Variants in CDH10 observed in about 807,000 individuals in gnomAD.
CDH10 encodes cadherin 10.
In CDH10, 30 loss-of-function variants were observed where a neutral mutation model predicts 73.1. That is an observed-to-expected ratio of 0.41 (90% CI 0.31 to 0.56). The LOEUF (loss-of-function observed/expected upper bound fraction) is 0.56. CDH10 is among the 20% of genes least tolerant of loss of function. The pLI is 0.27. For synonymous variants in CDH10, 345 were observed against 348.2 expected (o/e 0.99, Z 0.10); for missense variants, 815 against 973.7 (o/e 0.84, Z 2.17).
At chr5:24,567,942 T>G (rs1021945280) in intron 2 of CDH10, among the ~76,000 whole-genome samples, 4 of 152,122 alleles carry the variant, frequency 2.6e-5, no homozygotes, top group Non-Finnish European at 5.9e-5. Flanking sequence ...TACACTTCAA[T>G]GATGTCTCAA....
intron 5 of CDH10, among the ~76,000 whole-genome samples, chr5:24,528,168 A>G (rs867643812): frequency 1.7e-4 from 26 of 151,886 alleles, no homozygotes; most frequent in Admixed American, 3.9e-4. Context: ...ATCACACTGT[A>G]TCTAATGAAC....
Position 24,508,455 on chromosome 5 carries a change from AAC to A in CDH10, c.1256+1109_1256+1110del, listed in dbSNP as rs1579734146. ...AATAAACATAAAACAGAAACCTCTC[AAC>A]TTTGATGGCTGTGCATTAGGGGAGT... On this transcript the variant is annotated intron_variant, in intron 7 of 11. Transcript: ENST00000264463. Among the ~76,000 whole-genome samples, 3 of 127,416 alleles carry A rather than the reference AAC, an allele frequency of 2.4e-5. 1 individual carries two copies. The allele number at this position is 127,416 out of a possible 152,430, so 83.6% of individuals were successfully genotyped here. A position where few individuals can be genotyped will look rare whatever the true frequency, so the allele number is the denominator to read the frequency against.
intron 5 of CDH10, among the ~76,000 whole-genome samples, chr5:24,518,738 C>A (rs530450915): frequency 4.9e-4 from 75 of 151,858 alleles, no homozygotes; most frequent in Non-Finnish European, 9.4e-4. Flanking sequence ...TGCTTGCACT[C>A]AAAAATATTA....
At chr5:24,599,881 A>G (rs1300685153) in intron 1 of CDH10, among the ~76,000 whole-genome samples, 1 of 152,140 alleles carries the variant, frequency 6.6e-6, no homozygotes, top group Non-Finnish European at 1.5e-5. Flanking sequence ...GCACAATACT[A>G]AAAACCCACT....
intron 1 of CDH10, among the ~76,000 whole-genome samples, chr5:24,598,173 T>A (rs948168200): frequency 6.6e-6 from 1 of 152,010 alleles, no homozygotes; most frequent in Non-Finnish European, 1.5e-5. Context: ...GCTGATACCA[T>A]TTTATGCATC....
intron 2 of CDH10, 30 bp from the exon 3 acceptor site, chr5:24,537,704 G>T (rs767165395): frequency 1.4e-6 from 2 of 1,411,088 alleles, no homozygotes; most frequent in Non-Finnish European, 2.0e-6. Flanking sequence ...GTATATCCAT[G>T]ATCATGTATA....
intron 1 of CDH10, among the ~76,000 whole-genome samples, chr5:24,607,225 C>T (rs1292897003): frequency 6.6e-6 from 1 of 151,974 alleles, no homozygotes; most frequent in East Asian, 1.9e-4. Flanking sequence ...ATGTTGATGC[C>T]GACGCCTGCA....
intron 2 of CDH10, among the ~76,000 whole-genome samples, chr5:24,560,835 A>C (rs1744934329): frequency 6.6e-6 from 1 of 152,106 alleles, no homozygotes; most frequent in Admixed American, 6.6e-5. Flanking sequence ...AAATAAAATA[A>C]AGTTGTTACT....
chr5:24,644,193 A>G (rs574239518), intron 1 of CDH10, among the ~76,000 whole-genome samples: 24 of 152,318 alleles, frequency 1.6e-4, no homozygotes, highest in African/African-American at 5.3e-4. Flanking sequence ...AAGTAATGTT[A>G]GATGATGTTA....
intron 3 of CDH10, among the ~76,000 whole-genome samples, chr5:24,536,672 C>T (rs1319070504): frequency 6.6e-6 from 1 of 151,912 alleles, no homozygotes; most frequent in Non-Finnish European, 1.5e-5. Flanking sequence ...AGATACATCT[C>T]CCATTTATGT....
intron 1 of CDH10, among the ~76,000 whole-genome samples, chr5:24,594,289 C>T (rs980836519): frequency 6.6e-6 from 1 of 151,898 alleles, no homozygotes; most frequent in Non-Finnish European, 1.5e-5. Flanking sequence ...CTTCTAACTA[C>T]CTCTACTGCC....
intron 2 of CDH10, among the ~76,000 whole-genome samples, chr5:24,587,623 T>C (rs537062204): frequency 6.6e-6 from 1 of 152,294 alleles, no homozygotes; most frequent in African/African-American, 2.4e-5. Flanking sequence ...AAGATTTCTC[T>C]TGAGCTTTTA....
chr5:24,605,440 T>G (rs1006175252), intron 1 of CDH10, among the ~76,000 whole-genome samples: 12 of 152,208 alleles, frequency 7.9e-5, no homozygotes, highest in African/African-American at 2.9e-4. Flanking sequence ...ACACTCCTTA[T>G]GAGAATCTCA....
chr5:24,509,108 T>C (rs542175060), intron 7 of CDH10, among the ~76,000 whole-genome samples: 50 of 151,600 alleles, frequency 3.3e-4, no homozygotes, highest in African/African-American at 1.2e-3. Flanking sequence ...CATATTTGTA[T>C]ACAACTTATG....
intron 1 of CDH10, among the ~76,000 whole-genome samples, chr5:24,643,178 C>G (rs332007): frequency 0.9 from 136,215 of 151,942 alleles, 61,245 homozygotes; most frequent in Admixed American, 0.93. Context: ...TTAGTACACT[C>G]GGGGGAGCGG....
rs1263340864 is a variant in CDH10 at position 24,505,105 on chromosome 5, A to G, written c.1393+7T>C. The G allele has an allele frequency of 1.3e-5, 20 of 1,599,336 alleles. No homozygotes were observed. The highest frequency in any genetic ancestry group is 1.7e-5 in the Non-Finnish European group (20 of 1,167,670). ...GATATATGTTAGATACATAAAATTC[A>G]TCTTACTGATTTCAGCAGCAATAAC... is the stretch of plus-strand genomic sequence containing the variant. On this transcript the variant is annotated splice_region_variant and intron_variant, in intron 8 of 11. Transcript: ENST00000264463.
chr5:24,543,115 T>C (rs1744218601), intron 2 of CDH10, among the ~76,000 whole-genome samples: 1 of 152,194 alleles, frequency 6.6e-6, no homozygotes, highest in African/African-American at 2.4e-5. Flanking sequence ...AATATTTTAC[T>C]TTTATTTTCA....
At position 24,507,801 on chromosome 5, in the gene CDH10, T is replaced by A. The variant is rs1195046735; in HGVS notation, c.1256+1765A>T. Among the ~76,000 whole-genome samples, 6 of 151,804 alleles carry A rather than the reference T, an allele frequency of 4.0e-5. No individual in the cohort carries two copies. In the East Asian group the frequency reaches 1.2e-3, roughly 29 times the overall value. ...AACACAAGGAATGCAGCAATACAGTTGTTGGTAAATGAATTGGGGAAGAGG... is the reference window on the plus strand; with the variant it reads ...AACACAAGGAATGCAGCAATACAGTAGTTGGTAAATGAATTGGGGAAGAGG... On this transcript the variant is annotated intron_variant, in intron 7 of 11. Coordinates refer to ENST00000264463, the MANE Select transcript of CDH10 (RefSeq NM_006727.5).
chr5:24,490,698 TA>T (rs1001062388), intron 11 of CDH10, among the ~76,000 whole-genome samples: 3 of 152,198 alleles, frequency 2.0e-5, no homozygotes, highest in African/African-American at 4.8e-5. Context: ...TAACTTCATA[TA>T]AAAACATGCT....
Sources: allele counts gnomAD v4.1 joint callset (sites outside exome capture counted in the v4.1 genomes callset), GRCh38; gene constraint gnomAD v4.1.1; transcripts MANE v1.5; gene names NCBI Gene and HGNC (gene_info 2026-07-23, HGNC 2026-07-21).